The following C8orf34 variants were observed in gnomAD, a reference collection of about 807,000 sequenced individuals.
C8orf34 encodes uncharacterized protein C8orf34.
Under a neutral mutation model 68.3 loss-of-function variants are expected in C8orf34, and 65 were observed. That is an observed-to-expected ratio of 0.95 (90% CI 0.78 to 1.17). The LOEUF (loss-of-function observed/expected upper bound fraction) is 1.17, where lower values mean the gene tolerates loss of function less well. Ranked by LOEUF, C8orf34 falls within the 50% of genes most tolerant of loss-of-function variation. The pLI is 0.00. For missense variants in C8orf34, 664 were observed against 655.4 expected (o/e 1.01, Z -0.14); for synonymous variants, 244 against 241.2 (o/e 1.01, Z -0.11).
chr8:68,792,705 A>G (rs1204897615), intron 12 of C8orf34: 1 of 151,852 alleles, frequency 6.6e-6, no homozygotes, highest in African/African-American at 2.4e-5. Flanking sequence ...TTCTCCAAGT[A>G]AAAAAATAGT....
intron 1 of C8orf34, among the ~76,000 whole-genome samples, chr8:68,425,711 C>T (rs188027976): frequency 6.9e-6 from 1 of 145,362 alleles, no homozygotes; most frequent in Admixed American, 7.0e-5. Context: ...CCTAGAATAG[C>T]CAAAACAGTT....
intron 12 of C8orf34, among the ~76,000 whole-genome samples, chr8:68,814,874 A>C (rs1824763179): frequency 6.6e-6 from 1 of 152,244 alleles, no homozygotes; most frequent in Admixed American, 6.5e-5. Flanking sequence ...ATAAAAATCT[A>C]CTATAAAATA....
intron 7 of C8orf34, among the ~76,000 whole-genome samples, chr8:68,558,477 A>G (rs1007045421): frequency 1.3e-5 from 2 of 152,094 alleles, no homozygotes; most frequent in African/African-American, 4.8e-5. Context: ...CTCTAACTAT[A>G]TAGTTTCTTT....
chr8:68,533,372 T>C, intron 7 of C8orf34: 1 of 1,261,758 alleles, frequency 7.9e-7, no homozygotes, highest in Admixed American at 3.9e-5. Context: ...TTGTGCTTTG[T>C]GTATGCTGCA....
intron 6 of C8orf34, among the ~76,000 whole-genome samples, chr8:68,525,207 G>A (rs1814923576): frequency 6.6e-6 from 1 of 152,070 alleles, no homozygotes; most frequent in South Asian, 2.1e-4. Flanking sequence ...GAGACAAGCA[G>A]TAAACAAGTG....
intron 1 of C8orf34, among the ~76,000 whole-genome samples, chr8:68,407,803 T>C (rs755211525): frequency 6.6e-6 from 1 of 152,192 alleles, no homozygotes; most frequent in Non-Finnish European, 1.5e-5. Context: ...ATTTTTAAGA[T>C]CCTTTGAATT....
At chr8:68,794,278 C>T (rs934756723) in intron 12 of C8orf34, among the ~76,000 whole-genome samples, 2 of 150,790 alleles carry the variant, frequency 1.3e-5, no homozygotes, top group Admixed American at 6.6e-5. Flanking sequence ...CTCAAGCGAT[C>T]CTCCCACCTC....
At chr8:68,564,449 G>A (rs1240136318) in intron 7 of C8orf34, among the ~76,000 whole-genome samples, 1 of 152,164 alleles carries the variant, frequency 6.6e-6, no homozygotes, top group African/African-American at 2.4e-5. Flanking sequence ...CTCTATTCAA[G>A]CCTGAAATGG....
intron 7 of C8orf34, among the ~76,000 whole-genome samples, chr8:68,613,251 G>C (rs981719637): frequency 6.6e-6 from 1 of 151,986 alleles, no homozygotes; most frequent in African/African-American, 2.4e-5. Flanking sequence ...TTATCTTGTG[G>C]AGAAGACTTT....
At chr8:68,486,890 C>T (rs374274934) in intron 4 of C8orf34, among the ~76,000 whole-genome samples, 167 of 152,296 alleles carry the variant, frequency 1.1e-3, no homozygotes, top group African/African-American at 3.8e-3. Flanking sequence ...TTAGACCTTT[C>T]CTTATCTCTT....
At chr8:68,718,986 T>TA (rs1440597540) in intron 9 of C8orf34, among the ~76,000 whole-genome samples, 2 of 152,056 alleles carry the variant, frequency 1.3e-5, no homozygotes, top group African/African-American at 4.8e-5. Context: ...TTTAAATAGC[T>TA]AAAAAAATTA....
chr8:68,593,568 A>T (rs1394267187), intron 7 of C8orf34, among the ~76,000 whole-genome samples: 3 of 151,998 alleles, frequency 2.0e-5, no homozygotes, highest in East Asian at 1.9e-4. Flanking sequence ...CTAATTTTTT[A>T]AAAAATGTTT....
In C8orf34 at chr8:68,615,549, A is replaced by G. The variant is rs1265676045; in HGVS notation, c.1106-24827A>G. Among the ~76,000 whole-genome samples, 24 of 152,316 alleles carry G rather than the reference A, an allele frequency of 1.6e-4. No individual in the cohort carries two copies. The East Asian group carries it at 4.6e-3, about 29-fold the overall frequency. ...CTTTTCTGCATCTATTGAGATAATC[A>G]TGTGGTTTTTGACTTTGGTTCTGTT... On this transcript the variant is annotated intron_variant, in intron 7 of 13. Coordinates refer to ENST00000518698, the MANE Select transcript of C8orf34 (RefSeq NM_052958.4).
chr8:68,792,034 C>G (rs1824008943), intron 12 of C8orf34: 1 of 152,078 alleles, frequency 6.6e-6, no homozygotes, highest in Non-Finnish European at 1.5e-5. Flanking sequence ...AACAATTGGC[C>G]AGCTTCATTA....
chr8:68,352,973 G>A (rs971395026), intron 1 of C8orf34, among the ~76,000 whole-genome samples: 1 of 152,074 alleles, frequency 6.6e-6, no homozygotes, highest in Non-Finnish European at 1.5e-5. Context: ...TTAAGGGACT[G>A]AATCTTGGAA....
At chr8:68,502,084 T>G (rs778237909) in intron 5 of C8orf34, among the ~76,000 whole-genome samples, 1 of 152,208 alleles carries the variant, frequency 6.6e-6, no homozygotes, top group Non-Finnish European at 1.5e-5. Flanking sequence ...GTTTATTCGT[T>G]TTTTGACAGT....
At chr8:68,737,994 C>CACAT (rs1822169854) in intron 10 of C8orf34, among the ~76,000 whole-genome samples, 1 of 152,128 alleles carries the variant, frequency 6.6e-6, no homozygotes, top group African/African-American at 2.4e-5. Context: ...TGCCACATGG[C>CACAT]ACATACTTTA....
chr8:68,400,873 G>A (rs962684256), intron 1 of C8orf34, among the ~76,000 whole-genome samples: 1 of 152,134 alleles, frequency 6.6e-6, no homozygotes, highest in Non-Finnish European at 1.5e-5. Context: ...GATTCTATGT[G>A]AATTTTAGGA....
intron 1 of C8orf34, among the ~76,000 whole-genome samples, chr8:68,436,011 C>T (rs777451120): frequency 3.3e-5 from 5 of 152,138 alleles, no homozygotes; most frequent in Non-Finnish European, 7.4e-5. Context: ...AGTTTGAGAC[C>T]AGCCTGGCCA....
Sources: gnomAD v4.1 joint callset for allele counts (sites outside exome capture counted in the v4.1 genomes callset) on GRCh38, gnomAD v4.1.1 for gene constraint, MANE v1.5 for transcripts, NCBI Gene and HGNC (gene_info 2026-07-23, HGNC 2026-07-21) for gene names.